The following DHX40 variants were observed in gnomAD, a reference collection of about 807,000 sequenced individuals.
DHX40 encodes DEAH-box helicase 40.
In DHX40, 28 loss-of-function variants were observed where a neutral mutation model predicts 89.6. The observed-to-expected ratio is 0.31, with a 90% confidence interval of 0.23 to 0.43. DHX40 has a LOEUF of 0.43. DHX40 is among the 20% of genes least tolerant of loss of function. The probability of loss-of-function intolerance (pLI) is 1.00; values close to 1 mark genes in which losing one functional copy is unlikely to be tolerated. For synonymous variants in DHX40, 226 were observed against 283.6 expected, an observed-to-expected ratio of 0.80 and a Z score of 2.04; for missense variants, 457 against 844.0, an observed-to-expected ratio of 0.54 and a Z score of 5.68.
At position 59,579,421 on chromosome 17, in the gene DHX40, A is replaced by G; in HGVS notation, c.1074-51A>G. 1.9e-6 allele frequency: 2 copies of G among 1,065,946 alleles called. 1 individual carries two copies. Among genetic ancestry groups the G allele is most frequent in the South Asian group, 4.0e-5 (2 of 49,808 alleles). 66.0% of individuals were successfully genotyped at this position (1,065,946 alleles called of 1,614,324 possible). A position where few individuals can be genotyped will look rare whatever the true frequency, so the allele number is the denominator to read the frequency against. ...GAGAAACCAAAGTGGTTAACAATTA[A>G]CAAGTCTTCTTTTATTTTCCAGAAA... On this transcript the variant is annotated intron_variant, in intron 8 of 17. Coordinates refer to ENST00000251241, the MANE Select transcript of DHX40 (RefSeq NM_024612.5).
chr17:59,571,457 C>A (rs1406720338), intron 3 of DHX40, among the ~76,000 whole-genome samples: 7 of 136,488 alleles, frequency 5.1e-5, no homozygotes, highest in Non-Finnish European at 3.2e-5. Flanking sequence ...AACTCCACCT[C>A]AAAAAAAAAA....
intron 6 of DHX40, among the ~76,000 whole-genome samples, chr17:59,574,880 CTT>C (rs1482177864): frequency 1.3e-5 from 2 of 152,182 alleles, no homozygotes; most frequent in Non-Finnish European, 2.9e-5. Context: ...AGTGGCATAA[CTT>C]TTCAAATAGC....
At chr17:59,594,032 G>C (rs556909791) in intron 12 of DHX40, among the ~76,000 whole-genome samples, 57 of 152,168 alleles carry the variant, frequency 3.7e-4, no homozygotes, top group Middle Eastern at 3.4e-3. Flanking sequence ...TCATGGTTGA[G>C]GGAGTTGATG....
chr17:59,603,197 T>C (rs573023945), intron 15 of DHX40: 1 of 152,316 alleles, frequency 6.6e-6, no homozygotes, highest in South Asian at 2.1e-4. Context: ...TGGATTGAAA[T>C]TTCAGTGTAT....
intron 12 of DHX40, among the ~76,000 whole-genome samples, chr17:59,594,720 A>G (rs2029909321): frequency 6.6e-6 from 1 of 152,110 alleles, no homozygotes; most frequent in Non-Finnish European, 1.5e-5. Flanking sequence ...AGGACTGCGT[A>G]GGCTGTCATT....
rs964310203 is a variant in DHX40 at position 59,567,770 on chromosome 17, G to GA, written c.280+988dup. On this transcript the variant is annotated intron_variant, in intron 2 of 17. Coordinates refer to ENST00000251241, the MANE Select transcript of DHX40 (RefSeq NM_024612.5). ...TGAAACCCTGTCTCTACTAAAAATAGAAAAAAAAAAAATTCGCCGGGCGTG... is the reference window on the plus strand; with the variant it reads ...TGAAACCCTGTCTCTACTAAAAATAGAAAAAAAAAAAAATTCGCCGGGCGTG... Among the ~76,000 whole-genome samples the GA allele has an allele frequency of 6.6e-4, 94 of 142,630 alleles. 2 individuals carry two copies. Among genetic ancestry groups the GA allele is most frequent in the Middle Eastern group, 3.7e-3 (1 of 270 alleles). The allele number at this position is 142,630 out of a possible 152,430, so 93.6% of individuals were successfully genotyped here. A position where few individuals can be genotyped will look rare whatever the true frequency, so the allele number is the denominator to read the frequency against.
intron 12 of DHX40, among the ~76,000 whole-genome samples, chr17:59,594,780 A>T (rs1207817687): frequency 6.6e-6 from 1 of 152,000 alleles, no homozygotes; most frequent in Non-Finnish European, 1.5e-5. Flanking sequence ...GGAGTCAGGG[A>T]AAGGGTGCCG....
chr17:59,602,537 A>G lies in DHX40; in HGVS notation c.1822A>G (p.Lys608Glu). 5 of 1,613,376 alleles carry G rather than the reference A, an allele frequency of 3.1e-6. No homozygotes were observed. Among genetic ancestry groups the G allele is most frequent in the East Asian group, 2.2e-5 (1 of 44,852 alleles). Reference protein sequence around the residue: ...RKLKQQSDFPKETFEGPKHEV... With the variant: ...RKLKQQSDFPEETFEGPKHEV... ...CTTTTTATAGCAAAGTGATTTCCCA[A>G]AAGAGACCTTTGAAGGCCCTAAACA... The change falls in exon 15 of 18, where the codon AAA becomes GAA. Residue 608 changes from lysine (K) to glutamate (E), a missense_variant. Physicochemically the swap from Lys to Glu is moderately conservative, Grantham distance 56. Coordinates refer to ENST00000251241, the MANE Select transcript of DHX40 (RefSeq NM_024612.5).
intron 3 of DHX40, among the ~76,000 whole-genome samples, chr17:59,571,575 C>G (rs1466274162): frequency 6.6e-6 from 1 of 151,762 alleles, no homozygotes; most frequent in Non-Finnish European, 1.5e-5. Context: ...ATTTCTCCCT[C>G]CCCCTAGCCT....
intron 12 of DHX40, among the ~76,000 whole-genome samples, chr17:59,595,076 T>G (rs998196723): frequency 8.9e-5 from 12 of 134,170 alleles, no homozygotes; most frequent in Non-Finnish European, 1.7e-4. Context: ...ATTTGTAGAT[T>G]TTTTGTTTTT....
chr17:59,586,843 G>A (rs1164979618), intron 11 of DHX40, among the ~76,000 whole-genome samples: 1 of 151,978 alleles, frequency 6.6e-6, no homozygotes, highest in African/African-American at 2.4e-5. Context: ...GGGGTGGTTA[G>A]GTTTGATATT....
intron 11 of DHX40, among the ~76,000 whole-genome samples, chr17:59,586,802 G>A (rs764448674): frequency 1.2e-4 from 19 of 152,094 alleles, no homozygotes; most frequent in Non-Finnish European, 2.5e-4. Flanking sequence ...TGATAAGAGA[G>A]CCAGAGTCCT....
intron 2 of DHX40, among the ~76,000 whole-genome samples, chr17:59,567,122 T>C (rs1017331211): frequency 2.6e-5 from 4 of 152,234 alleles, no homozygotes; most frequent in East Asian, 3.8e-4. Flanking sequence ...GTAAGAGATA[T>C]GTGATATCTG....
Position 59,575,364 on chromosome 17 carries a change from G to C in DHX40, c.866G>C (p.Cys289Ser), listed in dbSNP as rs2048866207. The change falls in exon 7 of 18, where the codon TGT becomes TCT. Residue 289 changes from cysteine (C) to serine (S), a missense_variant. Physicochemically the swap from Cys to Ser is moderately radical, Grantham distance 112. This residue lies in a region of DHX40 where 116 missense variants were observed against 188.9 expected (regional missense o/e 0.61). Coordinates refer to ENST00000251241, the MANE Select transcript of DHX40 (RefSeq NM_024612.5). ...LTGQFEIEKSCELLFQMAESV... is the reference protein window; with the variant it reads ...LTGQFEIEKSSELLFQMAESV... ...GGCCAGTTTGAAATAGAAAAAAGTT[G>C]TGAGTTACTTTTTCAGATGGCAGAG... is the stretch of plus-strand genomic sequence containing the variant. The C allele has an allele frequency of 6.3e-7, 1 of 1,595,358 alleles. No individual in the cohort carries two copies. Among genetic ancestry groups the C allele is most frequent in the Non-Finnish European group, 8.5e-7 (1 of 1,173,364 alleles).
rs996882301 is a variant in DHX40, at chr17:59,569,711, C to A, written c.281-807C>A. Among the ~76,000 whole-genome samples the A allele has an allele frequency of 2.8e-5, 4 of 140,676 alleles. No homozygotes were observed. The East Asian group carries it at 6.0e-4, about 21-fold the overall frequency. 92.3% of individuals were successfully genotyped at this position (140,676 alleles called of 152,430 possible). On this transcript the variant is annotated intron_variant, in intron 2 of 17. Coordinates refer to ENST00000251241, the MANE Select transcript of DHX40 (RefSeq NM_024612.5). ...AAAAAAGAAAAAAATATATATATAT[C>A]TATATATATATATAGATATATATAT...
intron 12 of DHX40, among the ~76,000 whole-genome samples, chr17:59,594,203 T>A (rs1161293161): frequency 6.6e-6 from 1 of 151,118 alleles, no homozygotes; most frequent in African/African-American, 2.4e-5. Context: ...TTCATTGAAT[T>A]TTTGGCTGGT....
chr17:59,588,881 T>A (rs1407618737), intron 12 of DHX40, among the ~76,000 whole-genome samples: 1 of 152,176 alleles, frequency 6.6e-6, no homozygotes, highest in Non-Finnish European at 1.5e-5. Context: ...TTTTCTCTTC[T>A]ATTGTCTTTT....
At chr17:59,598,999 G>A in intron 13 of DHX40, 148 bp downstream of exon 13, 1 of 595,838 alleles carries the variant, frequency 1.7e-6, no homozygotes, top group Admixed American at 3.1e-5. Flanking sequence ...ATCTATGTCA[G>A]ATGACTATTG....
intron 8 of DHX40, among the ~76,000 whole-genome samples, chr17:59,578,175 CTGAT>C (rs1368676811): frequency 6.8e-6 from 1 of 146,632 alleles, no homozygotes; most frequent in Non-Finnish European, 1.5e-5. Flanking sequence ...TTAGCTAAGT[CTGAT>C]TGTCTGTCTC....
Sources: gnomAD v4.1 joint callset for allele counts (sites outside exome capture counted in the v4.1 genomes callset) on GRCh38, gnomAD v4.1.1 for gene constraint, gnomAD v4.1.1 regional missense constraint, MANE v1.5 for transcripts, NCBI Gene and HGNC (gene_info 2026-07-23, HGNC 2026-07-21) for gene names.